The following MORC1 variants were observed in gnomAD, a reference collection of about 807,000 sequenced individuals.
MORC1 encodes MORC family CW-type zinc finger protein 1.
A neutral mutation model predicts 134.9 loss-of-function variants in MORC1; 59 were observed. That is an observed-to-expected ratio of 0.44 (90% CI 0.35 to 0.54). MORC1 has a LOEUF of 0.54. Among genes scored for constraint, MORC1 ranks in the 20% least tolerant of loss-of-function variants. The pLI, the probability that MORC1 is intolerant of heterozygous loss-of-function variation, is 0.00. For missense variants in MORC1, 947 were observed against 1,134.5 expected (o/e 0.83, Z 2.37); for synonymous variants, 395 against 391.7 (o/e 1.01, Z -0.10).
At chr3:109,115,879 A>G (rs1951261318) in intron 1 of MORC1, among the ~76,000 whole-genome samples, 1 of 152,240 alleles carries the variant, frequency 6.6e-6, no homozygotes, top group Non-Finnish European at 1.5e-5. Flanking sequence ...GTGATGGGAA[A>G]GAGTAACTGG....
intron 8 of MORC1, among the ~76,000 whole-genome samples, chr3:109,079,480 G>A (rs1410849252): frequency 3.3e-5 from 5 of 151,842 alleles, no homozygotes; most frequent in Admixed American, 6.6e-5. Flanking sequence ...AAAACAAAAT[G>A]TACTCTATAA....
intron 16 of MORC1, 152 bp from the exon 17 acceptor site, chr3:109,028,041 G>C (rs191725128): frequency 1.2e-6 from 1 of 818,932 alleles, no homozygotes; most frequent in East Asian, 2.7e-5. Flanking sequence ...CGTGGCTTTC[G>C]ATAACAAATA....
Position 109,009,333 on chromosome 3 carries a change from G to A in MORC1, c.1705-2242C>T, listed in dbSNP as rs1283326685. ...TGATCCTCCTGCCTCAGCCTCCCAA[G>A]TAGCTGGGACTACAGGCGCATGCCA... On this transcript the variant is annotated intron_variant, in intron 17 of 27. Transcript: ENST00000232603. 6.6e-4 allele frequency among the ~76,000 whole-genome samples: 99 copies of A among 150,760 alleles called. 2 individuals carry two copies. Among genetic ancestry groups the A allele is most frequent in the Non-Finnish European group, 4.4e-5 (3 of 67,806 alleles).
rs529745424 is a variant in MORC1 at position 109,048,536 on chromosome 3, C to T, written c.1330+6192G>A. Among the ~76,000 whole-genome samples, 15 of 152,192 alleles carry T rather than the reference C, an allele frequency of 9.9e-5. No individual in the cohort carries two copies. The South Asian group carries it at 1.7e-3, about 17-fold the overall frequency. On this transcript the variant is annotated intron_variant, in intron 14 of 27. Coordinates refer to ENST00000232603, the MANE Select transcript of MORC1 (RefSeq NM_014429.4). ...CTCTTTAATTCTAATTTTGAAATCT[C>T]CCATATGTATTAGTTTGCTAGGGCT...
chr3:108,984,328 AATG>A, intron 23 of MORC1, among the ~76,000 whole-genome samples: 2 of 152,332 alleles, frequency 1.3e-5, no homozygotes, highest in South Asian at 4.1e-4. Context: ...TCTAGCACAC[AATG>A]ATTATAATTA....
chr3:109,089,832 C>G (rs1950681997), intron 8 of MORC1, among the ~76,000 whole-genome samples: 1 of 152,114 alleles, frequency 6.6e-6, no homozygotes, highest in African/African-American at 2.4e-5. Flanking sequence ...GTTTCAAACT[C>G]TTGATTTTCT....
chr3:108,975,775 C>CTAT (rs1198743278), intron 24 of MORC1, among the ~76,000 whole-genome samples: 2 of 151,748 alleles, frequency 1.3e-5, no homozygotes, highest in African/African-American at 4.8e-5. Flanking sequence ...AATATTATTG[C>CTAT]TATTATTATT....
chr3:109,086,560 C>T (rs1240095406), intron 8 of MORC1, among the ~76,000 whole-genome samples: 1 of 151,960 alleles, frequency 6.6e-6, no homozygotes, highest in African/African-American at 2.4e-5. Flanking sequence ...AAAACGCCAC[C>T]ATTGAGGAAA....
rs572748165 is a variant in MORC1, at chr3:109,047,024, G to A, written c.1330+7704C>T. ...GACATTCCTTACCATTGTGTTTAAAGCCATAATGGAAAGAGTTTACATGTA... is the reference window on the plus strand; with the variant it reads ...GACATTCCTTACCATTGTGTTTAAAACCATAATGGAAAGAGTTTACATGTA... On this transcript the variant is annotated intron_variant, in intron 14 of 27. Transcript: ENST00000232603. Among the ~76,000 whole-genome samples the A allele has an allele frequency of 2.0e-5, 3 of 152,056 alleles. No individual in the cohort carries two copies. The East Asian group carries it at 5.8e-4, about 30-fold the overall frequency.
chr3:109,003,566 T>C (rs1948462387), intron 20 of MORC1, among the ~76,000 whole-genome samples: 1 of 152,074 alleles, frequency 6.6e-6, no homozygotes, highest in African/African-American at 2.4e-5. Context: ...AAATCCTAAA[T>C]CTTGAAACTG....
chr3:108,960,983 A>C (rs1241264426), intron 27 of MORC1, among the ~76,000 whole-genome samples: 2 of 152,208 alleles, frequency 1.3e-5, no homozygotes, highest in Non-Finnish European at 2.9e-5. Flanking sequence ...TGAGAAATAA[A>C]GTTTACATTT....
chr3:109,078,455 A>C (rs946821805), intron 8 of MORC1, among the ~76,000 whole-genome samples: 3 of 152,008 alleles, frequency 2.0e-5, no homozygotes, highest in African/African-American at 7.2e-5. Flanking sequence ...GCAACTCTTG[A>C]ATAAGAGGAA....
At chr3:109,086,869 T>C (rs1950624644) in intron 8 of MORC1, among the ~76,000 whole-genome samples, 1 of 152,062 alleles carries the variant, frequency 6.6e-6, no homozygotes, top group Non-Finnish European at 1.5e-5. Flanking sequence ...TTTAAAACTT[T>C]GAAAAGTCAA....
At chr3:108,966,827 T>A (rs1947232824) in intron 26 of MORC1, among the ~76,000 whole-genome samples, 1 of 152,052 alleles carries the variant, frequency 6.6e-6, no homozygotes, top group Non-Finnish European at 1.5e-5. Context: ...CCAGTGTAAG[T>A]AAGTTGGAAT....
chr3:109,031,218 T>C (rs1238294028), intron 16 of MORC1, among the ~76,000 whole-genome samples: 1 of 152,146 alleles, frequency 6.6e-6, no homozygotes, highest in Middle Eastern at 3.2e-3. Flanking sequence ...CTGTGGGAAG[T>C]AGCCTAAATT....
chr3:109,041,668 G>A (rs775461873), intron 14 of MORC1, among the ~76,000 whole-genome samples: 2 of 152,104 alleles, frequency 1.3e-5, no homozygotes, highest in Non-Finnish European at 2.9e-5. Flanking sequence ...CTAACATGGC[G>A]AAACCACGTC....
intron 27 of MORC1, among the ~76,000 whole-genome samples, chr3:108,961,810 T>C (rs925465944): frequency 6.6e-6 from 1 of 152,212 alleles, no homozygotes; most frequent in Non-Finnish European, 1.5e-5. Context: ...AGAGAAGGAG[T>C]AGTAAACGAT....
intron 8 of MORC1, among the ~76,000 whole-genome samples, chr3:109,070,681 A>T (rs1950297897): frequency 6.6e-6 from 1 of 152,196 alleles, no homozygotes; most frequent in Non-Finnish European, 1.5e-5. Context: ...GATGGGAAAA[A>T]AAAAAATGTG....
intron 17 of MORC1, among the ~76,000 whole-genome samples, chr3:109,014,838 T>C (rs1948779222): frequency 6.6e-6 from 1 of 152,218 alleles, no homozygotes; most frequent in African/African-American, 2.4e-5. Context: ...CAAAGATGTA[T>C]GTCTCAACTA....
Sources: allele counts gnomAD v4.1 joint callset (sites outside exome capture counted in the v4.1 genomes callset), GRCh38; gene constraint gnomAD v4.1.1; transcripts MANE v1.5; gene names NCBI Gene and HGNC (gene_info 2026-07-23, HGNC 2026-07-21).